The following UBE2K variants were observed in gnomAD, a reference collection of about 807,000 sequenced individuals.
UBE2K encodes the protein ubiquitin-conjugating enzyme E2 K.
Under a neutral mutation model 30.0 loss-of-function variants are expected in UBE2K, and 6 were observed. The observed-to-expected ratio is 0.20, with a 90% CI of 0.11 to 0.39. The LOEUF (loss-of-function observed/expected upper bound fraction) is 0.39. UBE2K is among the 10% of genes least tolerant of loss of function. UBE2K has a pLI of 1.00. For synonymous variants in UBE2K, 86 were observed against 83.7 expected, an observed-to-expected ratio of 1.03 and a Z score of -0.15; for missense variants, 61 against 241.6, an observed-to-expected ratio of 0.25 and a Z score of 4.96.
chr4:39,713,874 T>A (rs1359815634), intron 1 of UBE2K: 1 of 152,058 alleles, frequency 6.6e-6, no homozygotes, highest in African/African-American at 2.4e-5. Context: ...AAAAATAACA[T>A]CCTTGCCCAT....
chr4:39,764,935 G>A (rs1712218412), intron 4 of UBE2K, among the ~76,000 whole-genome samples: 1 of 150,744 alleles, frequency 6.6e-6, no homozygotes, highest in South Asian at 2.1e-4. Flanking sequence ...GGCCCAGGCT[G>A]GAGTGCAGTG....
chr4:39,731,734 A>T (rs150020441), intron 1 of UBE2K, among the ~76,000 whole-genome samples: 89 of 152,284 alleles, frequency 5.8e-4, no homozygotes, highest in African/African-American at 1.9e-3. Context: ...AATAGGGGAA[A>T]GATAAGTCAT....
chr4:39,702,014 A>G (rs905383821), intron 1 of UBE2K, among the ~76,000 whole-genome samples: 4 of 151,360 alleles, frequency 2.6e-5, no homozygotes, highest in Admixed American at 6.6e-5. Context: ...GCCTGCCTCA[A>G]CCTCCCAAAG....
intron 1 of UBE2K, among the ~76,000 whole-genome samples, chr4:39,727,456 G>GGCTCA (rs2109335898): frequency 6.6e-6 from 1 of 152,214 alleles, no homozygotes; most frequent in South Asian, 2.1e-4. Flanking sequence ...GGGATTCCTG[G>GGCTCA]GCTCAGGTGA....
chr4:39,770,748 C>G (rs927331805), intron 4 of UBE2K: 13 of 1,583,356 alleles, frequency 8.2e-6, no homozygotes, highest in Non-Finnish European at 8.6e-7. Context: ...AATGCCCAGG[C>G]CCCCTCCCAG....
intron 4 of UBE2K, among the ~76,000 whole-genome samples, chr4:39,762,268 C>G (rs1712004914): frequency 6.6e-6 from 1 of 151,610 alleles, no homozygotes; most frequent in Admixed American, 6.6e-5. Flanking sequence ...TGCTATGTTG[C>G]CCAAGCTGGT....
chr4:39,757,405 A>T (rs1711560037), intron 4 of UBE2K, among the ~76,000 whole-genome samples: 1 of 152,224 alleles, frequency 6.6e-6, no homozygotes, highest in African/African-American at 2.4e-5. Context: ...GACAGTATTT[A>T]GTGTATGGCC....
At position 39,781,322 on chromosome 4, in the gene UBE2K, A is replaced by AT. The variant is rs34111123; in HGVS notation, c.*2898dup. On this transcript the variant is annotated 3_prime_UTR_variant, in exon 7 of 7. Coordinates refer to ENST00000261427, the MANE Select transcript of UBE2K (RefSeq NM_005339.5). ...AATAATCTATGAAATGGAAGACTTG[A>AT]TTTTTTTTTTCATTTTTTAGAAGTA... is the stretch of plus-strand genomic sequence containing the variant. 0.016 allele frequency: 2,463 copies of AT among 150,712 alleles called. 74 individuals are homozygous for AT. The highest frequency in any genetic ancestry group is 0.055 in the African/African-American group (2,280 of 41,202). The allele number at this position is 150,712 out of a possible 1,614,324, so 9.3% of individuals were successfully genotyped here. A position where few individuals can be genotyped will look rare whatever the true frequency, so the allele number is the denominator to read the frequency against.
chr4:39,738,962 A>G, intron 2 of UBE2K, among the ~76,000 whole-genome samples: 1 of 151,944 alleles, frequency 6.6e-6, no homozygotes, highest in East Asian at 1.9e-4. Context: ...GGCGTGAGCC[A>G]CCAATCCCGG....
intron 3 of UBE2K, among the ~76,000 whole-genome samples, chr4:39,753,839 G>A (rs1325780930): frequency 6.6e-6 from 1 of 152,148 alleles, no homozygotes; most frequent in Non-Finnish European, 1.5e-5. Context: ...TGTGGGCTTG[G>A]CCGGGCATGA....
At chr4:39,739,000 C>G (rs558242161) in intron 2 of UBE2K, among the ~76,000 whole-genome samples, 1 of 148,032 alleles carries the variant, frequency 6.8e-6, no homozygotes, top group Non-Finnish European at 1.5e-5. Context: ...TCGAGTGGTT[C>G]TATAATTCTG....
intron 3 of UBE2K, among the ~76,000 whole-genome samples, chr4:39,754,207 A>G (rs1026747148): frequency 5.9e-5 from 9 of 152,288 alleles, no homozygotes; most frequent in Middle Eastern, 3.4e-3. Flanking sequence ...CTGTGTAGTA[A>G]CCTAGATGAT....
Position 39,755,586 on chromosome 4 carries a change from A to G in UBE2K, c.217-71A>G, listed in dbSNP as rs574777283. The G allele has an allele frequency of 1.6e-4, 185 of 1,158,378 alleles. 2 individuals are homozygous for G. In the Middle Eastern group the frequency reaches 1.8e-3, roughly 11 times the overall value. 71.8% of individuals were successfully genotyped at this position (1,158,378 alleles called of 1,614,324 possible). A position where few individuals can be genotyped will look rare whatever the true frequency, so the allele number is the denominator to read the frequency against. On this transcript the variant is annotated intron_variant, in intron 3 of 6. Transcript: ENST00000261427. Reference sequence around the variant, plus strand: ...TTTCTTTTTTTAGTTTGAAGATTTCATTTTCTTGTAGTTCTACTTAAACTG... The same window carrying G: ...TTTCTTTTTTTAGTTTGAAGATTTCGTTTTCTTGTAGTTCTACTTAAACTG...
intron 1 of UBE2K, among the ~76,000 whole-genome samples, chr4:39,704,653 A>G (rs1353462951): frequency 6.6e-6 from 1 of 151,860 alleles, no homozygotes; most frequent in Non-Finnish European, 1.5e-5. Flanking sequence ...TGATCCTCCT[A>G]CCTCAGCCTT....
chr4:39,774,530 G>A (rs1042771573), intron 4 of UBE2K, among the ~76,000 whole-genome samples: 11 of 151,484 alleles, frequency 7.3e-5, no homozygotes, highest in Admixed American at 7.2e-4. Context: ...GGAGAATGGC[G>A]TGAACCCGGG....
intron 5 of UBE2K, among the ~76,000 whole-genome samples, chr4:39,776,414 T>G (rs762451908): frequency 3.3e-5 from 5 of 152,192 alleles, no homozygotes; most frequent in African/African-American, 1.2e-4. Context: ...CTTTATAAAG[T>G]GCAAATCTTA....
At chr4:39,752,980 A>G (rs949751103) in intron 3 of UBE2K, among the ~76,000 whole-genome samples, 3 of 151,910 alleles carry the variant, frequency 2.0e-5, no homozygotes, top group African/African-American at 7.3e-5. Flanking sequence ...TGATCGCACC[A>G]CTCCACTCCA....
intron 5 of UBE2K, among the ~76,000 whole-genome samples, chr4:39,775,967 T>C (rs900672895): frequency 5.6e-4 from 85 of 152,230 alleles, no homozygotes; most frequent in Non-Finnish European, 1.6e-4. Context: ...TTACCTTTAC[T>C]TTCTGTACAC....
chr4:39,775,796 A>G (rs1451588806), intron 5 of UBE2K, among the ~76,000 whole-genome samples: 1 of 152,166 alleles, frequency 6.6e-6, no homozygotes, highest in Non-Finnish European at 1.5e-5. Context: ...TTGGAATATA[A>G]TGGACATTTT....
Sources: allele counts gnomAD v4.1 joint callset (sites outside exome capture counted in the v4.1 genomes callset), GRCh38; gene constraint gnomAD v4.1.1; transcripts MANE v1.5; gene names NCBI Gene and HGNC (gene_info 2026-07-23, HGNC 2026-07-21).